Variants in NEDD4L observed in about 807,000 individuals in gnomAD.
NEDD4L encodes E3 ubiquitin-protein ligase NEDD4-like.
A neutral mutation model predicts 148.9 loss-of-function variants in NEDD4L; 54 were observed. That is an observed-to-expected ratio of 0.36 (90% CI 0.29 to 0.45). NEDD4L has a LOEUF of 0.45. Ranked by LOEUF, NEDD4L falls within the 20% of genes least tolerant of loss-of-function variation. NEDD4L has a pLI of 1.00. For synonymous variants in NEDD4L, 433 were observed against 440.7 expected (o/e 0.98, Z 0.22); for missense variants, 856 against 1,233.8 (o/e 0.69, Z 4.59).
Position 58,184,868 on chromosome 18 carries a change from C to G in NEDD4L, c.122+19007C>G, listed in dbSNP as rs574587296. 2.4e-3 allele frequency among the ~76,000 whole-genome samples: 368 copies of G among 151,852 alleles called. 1 individual carries two copies. Among genetic ancestry groups the G allele is most frequent in the Non-Finnish European group, 3.6e-3 (247 of 67,942 alleles). ...GCGTGAACGCAGGAGGTGGAGCTTG[C>G]AGGGAGCCGAGATGGCACCACTGCA... On this transcript the variant is annotated intron_variant, in intron 2 of 30. Transcript: ENST00000400345.
chr18:58,310,991 A>C (rs1350358353), intron 5 of NEDD4L, among the ~76,000 whole-genome samples: 1 of 150,520 alleles, frequency 6.6e-6, no homozygotes, highest in East Asian at 1.9e-4. Flanking sequence ...ATTCCCTTCC[A>C]TTTGTCTTAA....
chr18:58,271,707 G>A (rs17806462), intron 5 of NEDD4L, among the ~76,000 whole-genome samples: 25,823 of 152,152 alleles, frequency 0.17, 2,366 homozygotes, highest in Non-Finnish European at 0.18. Context: ...CAGTTTTGCT[G>A]TTGTATGTAC....
chr18:58,399,702 T>TA lies in NEDD4L; in HGVS notation c.*3433_*3434insA, dbSNP rs1163893528. 1 of 152,244 alleles carries TA rather than the reference T, an allele frequency of 6.6e-6. No homozygotes were observed. The highest frequency in any genetic ancestry group is 1.5e-5 in the Non-Finnish European group (1 of 68,080). The allele number at this position is 152,244 out of a possible 1,614,324, so 9.4% of individuals were successfully genotyped here. A position where few individuals can be genotyped will look rare whatever the true frequency, so the allele number is the denominator to read the frequency against. The stretch of plus-strand genomic sequence containing the variant: ...GGTTTCACCATGCTGGCCAGGCTGG[T>TA]CTTGAACTCCTGACCTCAGGTGATC... On this transcript the variant is annotated 3_prime_UTR_variant, in exon 31 of 31. Transcript: ENST00000400345.
chr18:58,367,440 G>T (rs562814530), intron 21 of NEDD4L, among the ~76,000 whole-genome samples: 23 of 152,280 alleles, frequency 1.5e-4, no homozygotes, highest in African/African-American at 4.3e-4. Flanking sequence ...CCTTTATTAT[G>T]TGGCGTTTCT....
At chr18:58,162,630 G>A (rs1337231939) in intron 1 of NEDD4L, among the ~76,000 whole-genome samples, 1 of 150,372 alleles carries the variant, frequency 6.7e-6, no homozygotes, top group Non-Finnish European at 1.5e-5. Flanking sequence ...CTAGATGGTG[G>A]GTTGCTTGAG....
intron 4 of NEDD4L, 133 bp from the exon 5 acceptor site, chr18:58,251,868 C>T (rs2047980569): frequency 1.3e-5 from 8 of 614,770 alleles, no homozygotes; most frequent in South Asian, 2.1e-5. Context: ...ATTCCCAGAA[C>T]AGCAGGATAA....
chr18:58,175,034 T>TC (rs2037964524), intron 2 of NEDD4L, among the ~76,000 whole-genome samples: 1 of 152,200 alleles, frequency 6.6e-6, no homozygotes, highest in Non-Finnish European at 1.5e-5. Context: ...GGATCAGAGG[T>TC]CAGACCAAAG....
chr18:58,229,709 C>T (rs748111667), intron 2 of NEDD4L, among the ~76,000 whole-genome samples: 11 of 152,078 alleles, frequency 7.2e-5, no homozygotes, highest in South Asian at 2.1e-4. Flanking sequence ...ACAGCTTTTT[C>T]GGCTGGGCGC....
intron 13 of NEDD4L, among the ~76,000 whole-genome samples, chr18:58,338,710 G>C (rs2145056546): frequency 6.6e-6 from 1 of 152,318 alleles, no homozygotes; most frequent in South Asian, 2.1e-4. Context: ...GAAGTCAGCA[G>C]TTCGAGACCA....
At chr18:58,170,046 G>A (rs1317422076) in intron 2 of NEDD4L, among the ~76,000 whole-genome samples, 1 of 152,112 alleles carries the variant, frequency 6.6e-6, no homozygotes, top group East Asian at 1.9e-4. Context: ...CACCTAACAG[G>A]TCCTCAGGAA....
intron 1 of NEDD4L, among the ~76,000 whole-genome samples, chr18:58,069,318 T>G (rs1027731844): frequency 1.3e-5 from 2 of 152,196 alleles, no homozygotes; most frequent in Non-Finnish European, 2.9e-5. Context: ...ACTCTGCAAG[T>G]AGCTGAGCTC....
At chr18:58,319,732 A>G (rs937638126) in intron 6 of NEDD4L, among the ~76,000 whole-genome samples, 5 of 152,224 alleles carry the variant, frequency 3.3e-5, no homozygotes, top group Non-Finnish European at 1.5e-5. Context: ...AATTCAGGCT[A>G]GAGAATTTCA....
At chr18:58,361,152 C>A (rs2045417337) in intron 19 of NEDD4L, among the ~76,000 whole-genome samples, 1 of 152,124 alleles carries the variant, frequency 6.6e-6, no homozygotes, top group Admixed American at 6.5e-5. Context: ...AACCCAAGCC[C>A]CTATGTCTAG....
chr18:58,241,926 G>A (rs920124429), intron 2 of NEDD4L, among the ~76,000 whole-genome samples: 3 of 151,996 alleles, frequency 2.0e-5, no homozygotes, highest in Non-Finnish European at 2.9e-5. Context: ...ATGTTCTTGC[G>A]TAGCATTGAG....
At chr18:58,251,702 C>T (rs1843719768) in intron 4 of NEDD4L, among the ~76,000 whole-genome samples, 1 of 152,186 alleles carries the variant, frequency 6.6e-6, no homozygotes, top group South Asian at 2.1e-4. Flanking sequence ...ATGAGAATGC[C>T]TTGTACAGAG....
intron 1 of NEDD4L, among the ~76,000 whole-genome samples, chr18:58,110,441 ATGTGACAACC>A (rs1438134569): frequency 3.3e-5 from 5 of 152,242 alleles, no homozygotes; most frequent in Non-Finnish European, 5.9e-5. Flanking sequence ...CCAGGTCATC[ATGTGACAACC>A]TGTGACTAAT....
At chr18:58,355,644 A>G (rs906569427) in intron 18 of NEDD4L, among the ~76,000 whole-genome samples, 12 of 152,174 alleles carry the variant, frequency 7.9e-5, no homozygotes, top group African/African-American at 2.2e-4. Context: ...TTCCATCACA[A>G]TAGCAACTTT....
Position 58,333,802 on chromosome 18 carries a change from T to A in NEDD4L, c.991-16T>A, listed in dbSNP as rs560235542. ...ATATATTTCTTGATGCTTCCTGTCTTTTCCTCTCCTTCCAGCAAAGAGAAC... is the reference window on the plus strand; with the variant it reads ...ATATATTTCTTGATGCTTCCTGTCTATTCCTCTCCTTCCAGCAAAGAGAAC... On this transcript the variant is annotated splice_polypyrimidine_tract_variant and intron_variant, in intron 11 of 30. Transcript: ENST00000400345. The A allele has an allele frequency of 3.9e-5, 62 of 1,607,476 alleles. No individual in the cohort carries two copies. The highest frequency in any genetic ancestry group is 3.3e-4 in the Middle Eastern group (2 of 6,038).
At chr18:58,295,382 A>T (rs2055406936) in intron 5 of NEDD4L, among the ~76,000 whole-genome samples, 1 of 152,112 alleles carries the variant, frequency 6.6e-6, no homozygotes, top group South Asian at 2.1e-4. Context: ...TAGCCTTTTC[A>T]TAGTGGCTTC....
Sources: allele counts gnomAD v4.1 joint callset (sites outside exome capture counted in the v4.1 genomes callset), GRCh38; gene constraint gnomAD v4.1.1; transcripts MANE v1.5; gene names NCBI Gene and HGNC (gene_info 2026-07-23, HGNC 2026-07-21).